Variants in SRPK2 observed in about 807,000 individuals in gnomAD.
The protein encoded by SRPK2 is SFRS protein kinase 2.
Under a neutral mutation model 90.8 loss-of-function variants are expected in SRPK2, and 21 were observed. The observed-to-expected ratio is 0.23, with a 90% CI of 0.16 to 0.33. SRPK2 has a LOEUF of 0.33. SRPK2 is among the 10% of genes least tolerant of loss of function. The pLI is 1.00. For synonymous variants in SRPK2, 288 were observed against 311.1 expected, an observed-to-expected ratio of 0.93 and a Z score of 0.78; for missense variants, 620 against 869.0, an observed-to-expected ratio of 0.71 and a Z score of 3.60.
At chr7:105,116,018 TG>T (rs1799601304), downstream of SRPK2, among the ~76,000 whole-genome samples, 1 of 152,136 alleles carries the variant, frequency 6.6e-6, no homozygotes, top group Non-Finnish European at 1.5e-5. Context: ...TACCTCACAG[TG>T]GTAATGTGAT....
At chr7:105,392,361 A>G (rs530341111), upstream of SRPK2, among the ~76,000 whole-genome samples, 3 of 152,324 alleles carry the variant, frequency 2.0e-5, no homozygotes, top group South Asian at 6.2e-4. Context: ...TGTGAATTTC[A>G]CTTCAAAACA....
intron 3 of SRPK2, among the ~76,000 whole-genome samples, chr7:105,175,702 T>C (rs1047292023): frequency 7.9e-5 from 12 of 152,224 alleles, no homozygotes; most frequent in African/African-American, 2.9e-4. Flanking sequence ...CTATGTATTT[T>C]TGAGGTATTA....
intron 1 of SRPK2, among the ~76,000 whole-genome samples, chr7:105,396,686 TAGG>T (rs1822331010): frequency 8.9e-6 from 1 of 112,960 alleles, no homozygotes; most frequent in East Asian, 2.5e-4. Context: ...AGAAGAATAG[TAGG>T]AGGAGAAGGA....
intron 8 of SRPK2, 44 bp downstream of exon 8, chr7:105,146,449 C>G: frequency 6.3e-7 from 1 of 1,597,710 alleles, no homozygotes; most frequent in Non-Finnish European, 8.5e-7. Flanking sequence ...TTTGCAAGCT[C>G]CCAATGCCCC....
chr7:105,291,606 T>A (rs1809032700), intron 2 of SRPK2, among the ~76,000 whole-genome samples: 1 of 152,162 alleles, frequency 6.6e-6, no homozygotes, highest in Non-Finnish European at 1.5e-5. Flanking sequence ...GGCGCACGCC[T>A]ATAGTCCCAG....
chr7:105,268,847 C>T (rs750614614), intron 2 of SRPK2: 3 of 1,593,570 alleles, frequency 1.9e-6, no homozygotes, highest in South Asian at 2.2e-5. Flanking sequence ...CTGACATCAG[C>T]AGCTCAATCT....
chr7:105,218,589 C>T (rs897356054), intron 2 of SRPK2, among the ~76,000 whole-genome samples: 2 of 152,088 alleles, frequency 1.3e-5, no homozygotes, highest in African/African-American at 2.4e-5. Flanking sequence ...TTGTAATGGT[C>T]CAAAAGGTTT....
At chr7:105,300,497 T>A (rs1810411057) in intron 2 of SRPK2, among the ~76,000 whole-genome samples, 1 of 152,168 alleles carries the variant, frequency 6.6e-6, no homozygotes, top group South Asian at 2.1e-4. Context: ...GTAACCATTT[T>A]CAAGGCCAAA....
At chr7:105,164,791 T>C (rs1302799510) in intron 6 of SRPK2, among the ~76,000 whole-genome samples, 17 of 152,310 alleles carry the variant, frequency 1.1e-4, no homozygotes, top group Non-Finnish European at 2.1e-4. Context: ...AGTTTAAATC[T>C]GGGAAAAAGC....
At chr7:105,397,945 A>C (rs1456247575) in intron 1 of SRPK2, among the ~76,000 whole-genome samples, 2 of 152,110 alleles carry the variant, frequency 1.3e-5, no homozygotes, top group Admixed American at 1.3e-4. Flanking sequence ...ACCGCACCCA[A>C]CCGGTTTTAA....
chr7:105,239,863 C>T (rs1800589173), intron 2 of SRPK2, among the ~76,000 whole-genome samples: 2 of 152,140 alleles, frequency 1.3e-5, no homozygotes, highest in Admixed American at 1.3e-4. Context: ...GGCTTCCTGC[C>T]TTTCTCAGAA....
chr7:105,322,144 G>A (rs1813007171), intron 2 of SRPK2, among the ~76,000 whole-genome samples: 1 of 152,328 alleles, frequency 6.6e-6, no homozygotes, highest in East Asian at 1.9e-4. Context: ...GCCAGGCACA[G>A]TGGCTCACAG....
chr7:105,324,781 G>A (rs1044105160), intron 2 of SRPK2, among the ~76,000 whole-genome samples: 1 of 152,124 alleles, frequency 6.6e-6, no homozygotes, highest in Non-Finnish European at 1.5e-5. Context: ...CAGCTTCTTG[G>A]GAAGCTGAGG....
chr7:105,307,385 T>G (rs994483287), intron 2 of SRPK2, among the ~76,000 whole-genome samples: 1 of 152,216 alleles, frequency 6.6e-6, no homozygotes, highest in African/African-American at 2.4e-5. Context: ...AACCAATGTG[T>G]AATAAGTAAG....
At chr7:105,316,193 T>C (rs1023670893) in intron 2 of SRPK2, among the ~76,000 whole-genome samples, 1 of 152,056 alleles carries the variant, frequency 6.6e-6, no homozygotes, top group African/African-American at 2.4e-5. Context: ...CCCAGATAAT[T>C]TTTGTATTTT....
intron 15 of SRPK2, among the ~76,000 whole-genome samples, chr7:105,123,032 C>G (rs1038527219): frequency 6.6e-6 from 1 of 152,090 alleles, no homozygotes; most frequent in Non-Finnish European, 1.5e-5. Flanking sequence ...CTACCATGAT[C>G]TGAGGGCTGG....
At chr7:105,165,569 A>C (rs1482608117) in intron 6 of SRPK2, among the ~76,000 whole-genome samples, 1 of 152,122 alleles carries the variant, frequency 6.6e-6, no homozygotes, top group Non-Finnish European at 1.5e-5. Context: ...AAACGCACTG[A>C]CCAGTGGTCT....
chr7:105,296,929 C>T (rs1474277468), intron 2 of SRPK2, among the ~76,000 whole-genome samples: 1 of 152,186 alleles, frequency 6.6e-6, no homozygotes, highest in African/African-American at 2.4e-5. Context: ...AGCTGGAAAA[C>T]AAATCCAGGC....
At chr7:105,210,817 A>G (rs1049608726) in intron 2 of SRPK2, among the ~76,000 whole-genome samples, 1 of 152,210 alleles carries the variant, frequency 6.6e-6, no homozygotes, top group Non-Finnish European at 1.5e-5. Flanking sequence ...AGCTGCCTGG[A>G]AAAAAAGCAG....
Sources: allele counts gnomAD v4.1 joint callset (sites outside exome capture counted in the v4.1 genomes callset), GRCh38; gene constraint gnomAD v4.1.1; transcripts MANE v1.5; gene names NCBI Gene and HGNC (gene_info 2026-07-23, HGNC 2026-07-21).